Variants in PSMD1 observed in about 807,000 individuals in gnomAD.
The protein encoded by PSMD1 is 26S proteasome non-ATPase regulatory subunit 1.
A neutral mutation model predicts 119.0 loss-of-function variants in PSMD1; 18 were observed. That is an observed-to-expected ratio of 0.15 (90% CI 0.10 to 0.22). The LOEUF is 0.22. Among genes scored for constraint, PSMD1 ranks in the 10% least tolerant of loss-of-function variants. The pLI is 1.00. For synonymous variants in PSMD1, 374 were observed against 396.6 expected, an observed-to-expected ratio of 0.94 and a Z score of 0.68; for missense variants, 702 against 1,158.5, an observed-to-expected ratio of 0.61 and a Z score of 5.72.
intron 7 of PSMD1, 133 bp downstream of exon 7, chr2:231,072,548 A>G: frequency 2.6e-6 from 2 of 762,914 alleles, no homozygotes; most frequent in Non-Finnish European, 4.2e-6. Flanking sequence ...GTAAAGTCTT[A>G]TTAGGCTGTT....
intron 23 of PSMD1, among the ~76,000 whole-genome samples, chr2:231,167,246 G>A (rs1262065996): frequency 1.4e-5 from 2 of 146,406 alleles, no homozygotes; most frequent in African/African-American, 2.5e-5. Context: ...TACAGAGAAC[G>A]TATTCTAACT....
chr2:231,114,481 A>G (rs1409867454), intron 16 of PSMD1, among the ~76,000 whole-genome samples: 1 of 152,182 alleles, frequency 6.6e-6, no homozygotes, highest in Non-Finnish European at 1.5e-5. Context: ...TTTTTTTGAC[A>G]GAAATAGTTC....
At chr2:231,129,069 T>C (rs1040744031) in intron 16 of PSMD1, among the ~76,000 whole-genome samples, 26 of 152,242 alleles carry the variant, frequency 1.7e-4, no homozygotes, top group African/African-American at 6.3e-4. Flanking sequence ...TGCTCAACTC[T>C]GCATGTCCTC....
At chr2:231,085,975 G>A (rs1694421439) in intron 15 of PSMD1, among the ~76,000 whole-genome samples, 1 of 151,430 alleles carries the variant, frequency 6.6e-6, no homozygotes, top group Non-Finnish European at 1.5e-5. Flanking sequence ...TTTTAGCAGT[G>A]CAGTATGTTC....
chr2:231,078,799 T>A (rs747297555), intron 10 of PSMD1, 52 bp downstream of exon 10: 3 of 1,326,004 alleles, frequency 2.3e-6, no homozygotes, highest in African/African-American at 1.6e-5. Flanking sequence ...TTCTTTTTTT[T>A]TTTTTTTTTT....
At chr2:231,075,437 G>T in intron 7 of PSMD1, 74 bp from the exon 8 acceptor site, 2 of 1,299,382 alleles carry the variant, frequency 1.5e-6, no homozygotes, top group South Asian at 1.4e-5. Flanking sequence ...ATTCAATTTG[G>T]ACATGGTTCA....
At chr2:231,112,975 G>A (rs910815865) in intron 16 of PSMD1, among the ~76,000 whole-genome samples, 6 of 152,088 alleles carry the variant, frequency 3.9e-5, no homozygotes, top group Admixed American at 3.3e-4. Flanking sequence ...GACCAGCCTG[G>A]GCAACATGAC....
chr2:231,139,377 G>A (rs1696050640), intron 17 of PSMD1, among the ~76,000 whole-genome samples: 1 of 133,808 alleles, frequency 7.5e-6, no homozygotes. Context: ...GAAGTGCAGT[G>A]GCAGGAACAC....
At chr2:231,161,305 C>T (rs750263031) in intron 19 of PSMD1, 35 bp from the exon 20 acceptor site, 13 of 1,488,352 alleles carry the variant, frequency 8.7e-6, no homozygotes, top group Non-Finnish European at 1.1e-5. Context: ...TAGGACAATA[C>T]TATTATTGTT....
chr2:231,101,700 A>G (rs1180477419), intron 16 of PSMD1, among the ~76,000 whole-genome samples: 2 of 152,158 alleles, frequency 1.3e-5, no homozygotes, highest in African/African-American at 2.4e-5. Context: ...GCTTTCAGCA[A>G]CCACCACCCT....
intron 16 of PSMD1, among the ~76,000 whole-genome samples, chr2:231,093,390 G>C (rs2125185127): frequency 6.6e-6 from 1 of 152,298 alleles, no homozygotes; most frequent in East Asian, 1.9e-4. Context: ...GCATCCCCCA[G>C]GTAAAGTCCG....
chr2:231,145,931 T>C (rs1347066757), intron 17 of PSMD1, among the ~76,000 whole-genome samples: 1 of 150,036 alleles, frequency 6.7e-6, no homozygotes, highest in African/African-American at 2.5e-5. Context: ...AATTGTACCA[T>C]TGTACAAAAA....
chr2:231,117,549 A>G (rs991645153), intron 16 of PSMD1, among the ~76,000 whole-genome samples: 1 of 152,186 alleles, frequency 6.6e-6, no homozygotes, highest in African/African-American at 2.4e-5. Context: ...GTCTTGTCTT[A>G]TAGACAATTG....
At chr2:231,085,195 A>T in intron 15 of PSMD1, 81 bp downstream of exon 15, 1 of 1,162,654 alleles carries the variant, frequency 8.6e-7, no homozygotes, top group South Asian at 1.2e-5. Context: ...TGACTCCAGC[A>T]TCCACAGCGC....
At chr2:231,172,101 C>T (rs1696927344) in intron 24 of PSMD1, among the ~76,000 whole-genome samples, 1 of 152,156 alleles carries the variant, frequency 6.6e-6, no homozygotes, top group African/African-American at 2.4e-5. Flanking sequence ...ATTTTCTAAA[C>T]TTACTTTTGA....
chr2:231,088,489 C>T (rs1220658352), intron 16 of PSMD1, among the ~76,000 whole-genome samples: 2 of 152,216 alleles, frequency 1.3e-5, no homozygotes, highest in Non-Finnish European at 2.9e-5. Context: ...TTCTCTGTGT[C>T]ACATTTTGGT....
intron 23 of PSMD1, among the ~76,000 whole-genome samples, chr2:231,167,008 C>T (rs1696800378): frequency 6.6e-6 from 1 of 152,216 alleles, no homozygotes; most frequent in African/African-American, 2.4e-5. Context: ...TCAGTTTCCT[C>T]ATCTGTAAAA....
chr2:231,100,969 C>T (rs1309938302), intron 16 of PSMD1, among the ~76,000 whole-genome samples: 5 of 152,182 alleles, frequency 3.3e-5, no homozygotes, highest in African/African-American at 9.7e-5. Context: ...CCGAGTCTGT[C>T]CTGCAGATTC....
At chr2:231,163,387 T>C (rs1574779169) in intron 20 of PSMD1, 1 of 387,636 alleles carries the variant, frequency 2.6e-6, no homozygotes, top group East Asian at 4.0e-5. Context: ...AGCAGGTTGG[T>C]TTGTTCATAA....
Sources: gnomAD v4.1 joint callset for allele counts (sites outside exome capture counted in the v4.1 genomes callset) on GRCh38, gnomAD v4.1.1 for gene constraint, MANE v1.5 for transcripts, NCBI Gene and HGNC (gene_info 2026-07-23, HGNC 2026-07-21) for gene names.